Variants in EPHA6 observed in about 807,000 individuals in gnomAD.
The protein encoded by EPHA6 is EPH receptor A6.
A neutral mutation model predicts 112.0 loss-of-function variants in EPHA6; 50 were observed. That is an observed-to-expected ratio of 0.45 (90% confidence interval 0.36 to 0.56). The LOEUF (loss-of-function observed/expected upper bound fraction) is 0.56, where lower values mean the gene tolerates loss of function less well. Among genes scored for constraint, EPHA6 ranks in the 20% least tolerant of loss-of-function variants. The pLI, the probability that EPHA6 is intolerant of heterozygous loss-of-function variation, is 0.00. For synonymous variants in EPHA6, 529 were observed against 490.7 expected (o/e 1.08, Z -1.03); for missense variants, 1,280 against 1,417.4 (o/e 0.90, Z 1.56).
At chr3:97,633,366 C>G (rs1282281598) in intron 13 of EPHA6, among the ~76,000 whole-genome samples, 2 of 152,030 alleles carry the variant, frequency 1.3e-5, no homozygotes, top group Non-Finnish European at 2.9e-5. Context: ...GCCATATTCA[C>G]TCTCTTTCAT....
intron 3 of EPHA6, among the ~76,000 whole-genome samples, chr3:97,202,205 C>G (rs566213880): frequency 1.3e-5 from 2 of 151,994 alleles, no homozygotes; most frequent in South Asian, 2.1e-4. Flanking sequence ...AAGGTAGGCT[C>G]TCTTTCTGTG....
chr3:97,120,351 A>C (rs1576522577), intron 3 of EPHA6, among the ~76,000 whole-genome samples: 1 of 152,042 alleles, frequency 6.6e-6, no homozygotes, highest in South Asian at 2.1e-4. Context: ...AAGTTTTATA[A>C]AACTTGATGT....
At chr3:96,878,902 A>T (rs2037133079) in intron 2 of EPHA6, among the ~76,000 whole-genome samples, 1 of 148,280 alleles carries the variant, frequency 6.7e-6, no homozygotes, top group Non-Finnish European at 1.5e-5. Flanking sequence ...TCAATATTTA[A>T]CATTAGTTGA....
chr3:96,949,792 C>G (rs1559616727), intron 2 of EPHA6, among the ~76,000 whole-genome samples: 1 of 152,114 alleles, frequency 6.6e-6, no homozygotes, highest in South Asian at 2.1e-4. Context: ...TAAACTTACT[C>G]TCTCTAGGAC....
Position 97,132,814 on chromosome 3 carries a change from A to C in EPHA6, c.1115-93450A>C, listed in dbSNP as rs142143449. Among the ~76,000 whole-genome samples the C allele has an allele frequency of 1.8e-4, 27 of 152,172 alleles. No homozygotes were observed. In the East Asian group the frequency reaches 5.0e-3, roughly 28 times the overall value. On this transcript the variant is annotated intron_variant, in intron 3 of 17. Transcript: ENST00000389672. Reference sequence around the variant, plus strand: ...TCCTGTAGTAAAGTAGAATGTAGGCAACCAAAGTAAATTTACAAAAACTAA... The same window carrying C: ...TCCTGTAGTAAAGTAGAATGTAGGCCACCAAAGTAAATTTACAAAAACTAA...
In EPHA6 at chr3:97,687,081, T is replaced by C. The variant is rs77392074; in HGVS notation, c.2785-33180T>C. Among the ~76,000 whole-genome samples the C allele has an allele frequency of 9.2e-3, 1,407 of 152,316 alleles. 16 individuals carry two copies. Among genetic ancestry groups the C allele is most frequent in the African/African-American group, 0.032 (1,333 of 41,566 alleles). ...GCATGAAGAGGACAAATGAAAGTCC[T>C]TTCCCCTGCAATATCTTTCCTGCTC... is the stretch of plus-strand genomic sequence containing the variant. On this transcript the variant is annotated intron_variant, in intron 14 of 17. Coordinates refer to ENST00000389672, the MANE Select transcript of EPHA6 (RefSeq NM_001080448.3).
chr3:97,399,450 C>A (rs904872473), intron 5 of EPHA6, among the ~76,000 whole-genome samples: 5 of 151,276 alleles, frequency 3.3e-5, no homozygotes, highest in Admixed American at 6.6e-5. Flanking sequence ...TCGATATATA[C>A]CCAGTAGTAG....
chr3:97,408,514 T>A (rs553483465), intron 6 of EPHA6, among the ~76,000 whole-genome samples: 1 of 152,220 alleles, frequency 6.6e-6, no homozygotes, highest in Non-Finnish European at 1.5e-5. Context: ...CTTAGTCTGT[T>A]TCGGCTATGT....
Position 96,882,768 on chromosome 3 carries a change from G to GTGTATA in EPHA6, c.450+15880_450+15881insGTATAT, listed in dbSNP as rs774521290. Among the ~76,000 whole-genome samples, 554 of 148,888 alleles carry GTGTATA rather than the reference G, an allele frequency of 3.7e-3. 6 individuals are homozygous for GTGTATA. Among genetic ancestry groups the GTGTATA allele is most frequent in the African/African-American group, 8.2e-3 (324 of 39,716 alleles). ...TGTGTGTGTGTGTGTGTGTGTGTGT[G>GTGTATA]TATAGTCAATCATCAATCTATGTGA... On this transcript the variant is annotated intron_variant, in intron 2 of 17. Transcript: ENST00000389672.
chr3:96,818,226 G>A (rs949066566), intron 1 of EPHA6, among the ~76,000 whole-genome samples: 1 of 151,836 alleles, frequency 6.6e-6, no homozygotes, highest in Non-Finnish European at 1.5e-5. Flanking sequence ...ACCATTTACC[G>A]TGTATCACAG....
At chr3:97,475,031 T>G (rs1460421174) in intron 7 of EPHA6, among the ~76,000 whole-genome samples, 2 of 152,092 alleles carry the variant, frequency 1.3e-5, no homozygotes, top group Non-Finnish European at 1.5e-5. Flanking sequence ...CATAAAACAA[T>G]TCTTTAGCCT....
intron 10 of EPHA6, among the ~76,000 whole-genome samples, chr3:97,502,580 A>T (rs1028295717): frequency 1.3e-5 from 2 of 151,818 alleles, no homozygotes; most frequent in African/African-American, 2.4e-5. Context: ...CACGCCTGTA[A>T]TCCTAGCACT....
chr3:97,748,127 AT>A (rs1339306737), intron 17 of EPHA6, among the ~76,000 whole-genome samples: 1 of 152,194 alleles, frequency 6.6e-6, no homozygotes, highest in South Asian at 2.1e-4. Context: ...ACCTAAGGGC[AT>A]TTTTTCTAGA....
intron 3 of EPHA6, among the ~76,000 whole-genome samples, chr3:97,169,117 A>C (rs560643378): frequency 6.6e-6 from 1 of 152,066 alleles, no homozygotes; most frequent in Non-Finnish European, 1.5e-5. Flanking sequence ...AATGTAGTCA[A>C]TTTTTCCTTC....
chr3:97,190,730 G>A (rs771477031), intron 3 of EPHA6, among the ~76,000 whole-genome samples: 6 of 151,922 alleles, frequency 3.9e-5, no homozygotes, highest in Non-Finnish European at 8.8e-5. Context: ...GTGGAGGGGA[G>A]CGGGGAGGGA....
chr3:97,061,340 T>C (rs937414241), intron 3 of EPHA6, among the ~76,000 whole-genome samples: 6 of 152,126 alleles, frequency 3.9e-5, no homozygotes, highest in Non-Finnish European at 8.8e-5. Context: ...TGGGGCAACA[T>C]TGAACTGGAG....
At chr3:97,462,283 A>G (rs2090915360) in intron 7 of EPHA6, among the ~76,000 whole-genome samples, 2 of 152,184 alleles carry the variant, frequency 1.3e-5, no homozygotes, top group African/African-American at 4.8e-5. Flanking sequence ...GTTTTTTAAT[A>G]TGATAATTAC....
chr3:97,524,483 T>A (rs2092590763), intron 10 of EPHA6, among the ~76,000 whole-genome samples: 1 of 152,150 alleles, frequency 6.6e-6, no homozygotes, highest in African/African-American at 2.4e-5. Flanking sequence ...TTTGTTTTTT[T>A]AACTATTATA....
intron 14 of EPHA6, among the ~76,000 whole-genome samples, chr3:97,668,535 C>T (rs924656596): frequency 2.0e-5 from 3 of 152,152 alleles, no homozygotes; most frequent in Non-Finnish European, 4.4e-5. Flanking sequence ...GAAGAAGTAT[C>T]TCTGAAATAT....
Sources: allele counts gnomAD v4.1 joint callset (sites outside exome capture counted in the v4.1 genomes callset), GRCh38; gene constraint gnomAD v4.1.1; transcripts MANE v1.5; gene names NCBI Gene and HGNC (gene_info 2026-07-23, HGNC 2026-07-21).